BST1: variants seen among roughly 807,000 people sequenced by gnomAD.
The protein encoded by BST1 is ADP-ribosyl cyclase/cyclic ADP-ribose hydrolase 2.
A neutral mutation model predicts 40.6 loss-of-function variants in BST1; 49 were observed. The ratio of observed to expected loss-of-function variants is 1.21; its 90% confidence interval spans 0.96 to 1.53. The LOEUF (loss-of-function observed/expected upper bound fraction) is 1.53. Among genes scored for constraint, BST1 ranks in the 40% most tolerant of loss-of-function variants. The pLI is 0.00. For missense variants in BST1, 423 were observed against 395.9 expected (o/e 1.07, Z -0.58); for synonymous variants, 157 against 159.3 (o/e 0.99, Z 0.11).
At chr4:15,736,796 A>T (rs547726597), downstream of BST1, among the ~76,000 whole-genome samples, 5 of 152,012 alleles carry the variant, frequency 3.3e-5, no homozygotes, top group Non-Finnish European at 7.4e-5. Flanking sequence ...TTAGTTCCAG[A>T]TCCATTTGTT....
chr4:15,752,636 C>T, the BST1 span, among the ~76,000 whole-genome samples: 5 of 151,906 alleles, frequency 3.3e-5, no homozygotes, highest in Non-Finnish European at 7.4e-5. Context: ...GATCCACCTG[C>T]CTCAGCCTCC....
chr4:15,741,704 T>C (rs76085440), downstream of BST1, among the ~76,000 whole-genome samples: 502 of 152,312 alleles, frequency 3.3e-3, 4 homozygotes, highest in African/African-American at 0.011. Context: ...GCTCAAATTT[T>C]AGTGTATAAA....
intron 6 of BST1, among the ~76,000 whole-genome samples, chr4:15,717,243 C>T (rs1416451009): frequency 6.6e-6 from 1 of 152,182 alleles, no homozygotes; most frequent in Non-Finnish European, 1.5e-5. Flanking sequence ...TTATTCAACA[C>T]TGTGCTTTCT....
At chr4:15,723,757 C>T (rs1720953066) in intron 8 of BST1, 1 of 462,930 alleles carries the variant, frequency 2.2e-6, no homozygotes, top group Non-Finnish European at 2.8e-6. Context: ...TTGATATGTT[C>T]TGAGAAATTT....
At chr4:15,729,510 A>G (rs1721276929) in intron 8 of BST1, among the ~76,000 whole-genome samples, 1 of 152,244 alleles carries the variant, frequency 6.6e-6, no homozygotes, top group Non-Finnish European at 1.5e-5. Flanking sequence ...AGTTTAAAAC[A>G]TCACAGGAAT....
intron 8 of BST1, among the ~76,000 whole-genome samples, chr4:15,728,523 G>T (rs34559912): frequency 0.44 from 64,851 of 147,848 alleles, 16,366 homozygotes; most frequent in Middle Eastern, 0.61. Context: ...TGTGATCATG[G>T]CATATTGTAA....
the BST1 span, among the ~76,000 whole-genome samples, chr4:15,757,417 T>G: frequency 6.6e-6 from 1 of 152,128 alleles, no homozygotes; most frequent in East Asian, 1.9e-4. Context: ...CAAGGTCAAA[T>G]ACCAGCTCCA....
chr4:15,731,643 G>A (rs4498133), intron 8 of BST1, 97 bp from the exon 9 acceptor site: 90,600 of 1,459,764 alleles, frequency 0.062, 9,392 homozygotes, highest in East Asian at 0.55. Flanking sequence ...CTCGCTCCGC[G>A]CTAACCAGAA....
chr4:15,708,014 G>A (rs953069769), intron 3 of BST1, among the ~76,000 whole-genome samples: 1 of 151,970 alleles, frequency 6.6e-6, no homozygotes, highest in African/African-American at 2.4e-5. Context: ...CTGAGGCACA[G>A]CAAGATTAAG....
intron 8 of BST1, chr4:15,730,935 T>C (rs1005905232): frequency 3.4e-6 from 1 of 291,810 alleles, no homozygotes; most frequent in Admixed American, 4.2e-5. Flanking sequence ...TTTATACTGG[T>C]AGCAGTAGAA....
intron 1 of BST1, 51 bp downstream of exon 1, chr4:15,703,383 G>T: frequency 6.7e-7 from 1 of 1,484,352 alleles, no homozygotes; most frequent in Admixed American, 2.5e-5. Flanking sequence ...CAACGGTGGG[G>T]AGGGCCTGGG....
chr4:15,758,297 G>A, the BST1 span, among the ~76,000 whole-genome samples: 1,383 of 152,094 alleles, frequency 9.1e-3, 16 homozygotes, highest in African/African-American at 0.031. Context: ...CTCCCCTTCC[G>A]CCCTGTCTCC....
At chr4:15,765,862 T>G in the BST1 span, among the ~76,000 whole-genome samples, 1 of 152,032 alleles carries the variant, frequency 6.6e-6, no homozygotes, top group Non-Finnish European at 1.5e-5. Context: ...TCACCTCGCA[T>G]GTGCTATGGT....
At chr4:15,764,885 T>TGTGTGTGTGG in the BST1 span, among the ~76,000 whole-genome samples, 5 of 151,608 alleles carry the variant, frequency 3.3e-5, no homozygotes, top group African/African-American at 9.7e-5. Context: ...TGTGTGTGTG[T>TGTGTGTGTGG]GTGTGTGTGT....
intron 8 of BST1, among the ~76,000 whole-genome samples, chr4:15,724,027 T>G (rs965290127): frequency 6.6e-6 from 1 of 152,226 alleles, no homozygotes; most frequent in African/African-American, 2.4e-5. Context: ...ATCATACTTA[T>G]CCTGACAATC....
the BST1 span, among the ~76,000 whole-genome samples, chr4:15,764,538 T>G: frequency 6.6e-6 from 1 of 152,014 alleles, no homozygotes; most frequent in African/African-American, 2.4e-5. Flanking sequence ...GTGTTCTGGG[T>G]GTTTGAAATG....
chr4:15,715,635 G>A, intron 5 of BST1, 72 bp from the exon 6 acceptor site: 1 of 1,076,962 alleles, frequency 9.3e-7, no homozygotes, highest in African/African-American at 1.6e-5. Context: ...TTTAAGAAAG[G>A]TAATGTGTAA....
chr4:15,764,968 C>T, the BST1 span, among the ~76,000 whole-genome samples: 1 of 151,740 alleles, frequency 6.6e-6, no homozygotes, highest in Non-Finnish European at 1.5e-5. Context: ...TCCCCACTTC[C>T]ACCACCAACC....
At chr4:15,727,402 T>A (rs1721171800) in intron 8 of BST1, among the ~76,000 whole-genome samples, 1 of 152,202 alleles carries the variant, frequency 6.6e-6, no homozygotes. Flanking sequence ...CTCTGCCAAG[T>A]TTTTCACCAA....
Sources: allele counts gnomAD v4.1 joint callset (sites outside exome capture counted in the v4.1 genomes callset), GRCh38; gene constraint gnomAD v4.1.1; transcripts MANE v1.5; gene names NCBI Gene and HGNC (gene_info 2026-07-23, HGNC 2026-07-21).